Variants in DTWD2 observed in about 807,000 individuals in gnomAD.
DTWD2 encodes the protein tRNA-uridine aminocarboxypropyltransferase 2.
Under a neutral mutation model 31.8 loss-of-function variants are expected in DTWD2, and 39 were observed. That is an observed-to-expected ratio of 1.22 (90% CI 0.95 to 1.60). DTWD2 has a LOEUF of 1.60. DTWD2 is among the 40% of genes most tolerant of loss of function. The probability of loss-of-function intolerance (pLI) is 0.00; values close to 1 mark genes in which losing one functional copy is unlikely to be tolerated. For missense variants in DTWD2, 515 were observed against 381.5 expected (o/e 1.35, Z -2.92); for synonymous variants, 180 against 142.8 (o/e 1.26, Z -1.86).
chr5:118,921,049 C>A (rs961170610), intron 4 of DTWD2, among the ~76,000 whole-genome samples: 1 of 152,022 alleles, frequency 6.6e-6, no homozygotes, highest in Non-Finnish European at 1.5e-5. Flanking sequence ...CCTATTATAT[C>A]CTATTCTATC....
chr5:118,968,764 G>A (rs571997998), intron 1 of DTWD2, among the ~76,000 whole-genome samples: 5 of 152,344 alleles, frequency 3.3e-5, no homozygotes, highest in African/African-American at 9.6e-5. Flanking sequence ...TTCCAGCAAG[G>A]CGGGAAATCC....
chr5:118,890,541 A>G (rs910069730), intron 4 of DTWD2, among the ~76,000 whole-genome samples: 2 of 151,112 alleles, frequency 1.3e-5, no homozygotes, highest in African/African-American at 4.9e-5. Flanking sequence ...ATATGTAAAA[A>G]AGTGGGGCTT....
chr5:118,903,602 G>A (rs1753263961), intron 4 of DTWD2, among the ~76,000 whole-genome samples: 1 of 151,864 alleles, frequency 6.6e-6, no homozygotes. Flanking sequence ...GAGAATACTA[G>A]GATCTCTAAA....
chr5:118,973,083 T>TCC (rs1755027477), intron 1 of DTWD2, among the ~76,000 whole-genome samples: 1 of 151,312 alleles, frequency 6.6e-6, no homozygotes, highest in Non-Finnish European at 1.5e-5. Flanking sequence ...AACCCCCTTT[T>TCC]TTTTTTTTTT....
chr5:118,862,739 G>A (rs929625145), intron 4 of DTWD2, among the ~76,000 whole-genome samples: 2 of 152,088 alleles, frequency 1.3e-5, no homozygotes, highest in Non-Finnish European at 2.9e-5. Flanking sequence ...AATTAACAAA[G>A]TACTCAGAGA....
intron 4 of DTWD2, among the ~76,000 whole-genome samples, chr5:118,898,244 T>G (rs1160053905): frequency 6.6e-6 from 1 of 152,190 alleles, no homozygotes; most frequent in Non-Finnish European, 1.5e-5. Flanking sequence ...AATTTCATTC[T>G]GAAGAAACTA....
At position 118,952,553 on chromosome 5, in the gene DTWD2, G is replaced by A. The variant is rs1754490978; in HGVS notation, c.219-7904C>T. Among the ~76,000 whole-genome samples, 9 of 152,000 alleles carry A rather than the reference G, an allele frequency of 5.9e-5. 1 individual carries two copies. The South Asian group carries it at 1.9e-3, about 32-fold the overall frequency. On this transcript the variant is annotated intron_variant, in intron 1 of 5. Transcript: ENST00000510708. The stretch of plus-strand genomic sequence containing the variant: ...TCACAAGGTAATGTCATCAGTTAGG[G>A]CAGGAATTGGCCATTTTCACTTCTT...
intron 4 of DTWD2, among the ~76,000 whole-genome samples, chr5:118,888,093 C>G (rs1434392213): frequency 6.6e-6 from 1 of 152,012 alleles, no homozygotes; most frequent in Non-Finnish European, 1.5e-5. Flanking sequence ...TAGTACTTTA[C>G]TAAAGTAAAA....
In DTWD2 at chr5:118,936,761, C is replaced by G. The variant is rs1754055258; in HGVS notation, c.404+2435G>C. Among the ~76,000 whole-genome samples, 4 of 151,252 alleles carry G rather than the reference C, an allele frequency of 2.6e-5. 1 individual carries two copies. The South Asian group carries it at 8.4e-4, about 32-fold the overall frequency. ...AAATCCAAAGCAAGAAAAAAATTGA[C>G]AATAAAGAGTAGAAATCAATTAGAA... On this transcript the variant is annotated intron_variant, in intron 3 of 5. Coordinates refer to ENST00000510708, the MANE Select transcript of DTWD2 (RefSeq NM_173666.4).
rs553715013 is a variant in DTWD2, at chr5:118,839,862, T to C, written c.*1055A>G. ...GAGAAATAATCATTGGTGTATGCTCTATAAATAGTTACCAAGTTTACCTTT... is the reference window on the plus strand; with the variant it reads ...GAGAAATAATCATTGGTGTATGCTCCATAAATAGTTACCAAGTTTACCTTT... On this transcript the variant is annotated 3_prime_UTR_variant, in exon 6 of 6. Transcript: ENST00000510708. 1.3e-5 allele frequency: 2 copies of C among 152,336 alleles called. No individual in the cohort carries two copies. The highest frequency in any genetic ancestry group is 2.9e-5 in the Non-Finnish European group (2 of 68,032). 9.4% of individuals were successfully genotyped at this position (152,336 alleles called of 1,614,324 possible). A position where few individuals can be genotyped will look rare whatever the true frequency, so the allele number is the denominator to read the frequency against.
intron 4 of DTWD2, among the ~76,000 whole-genome samples, chr5:118,875,920 TA>T (rs1752612056): frequency 1.3e-5 from 2 of 152,298 alleles, no homozygotes; most frequent in South Asian, 2.1e-4. Context: ...CTTCGCCACA[TA>T]ACACATACTC....
At chr5:118,984,012 C>T (rs1226176424) in intron 1 of DTWD2, among the ~76,000 whole-genome samples, 1 of 152,136 alleles carries the variant, frequency 6.6e-6, no homozygotes, top group African/African-American at 2.4e-5. Flanking sequence ...CTAGGCTGGG[C>T]GCAGTGGCTC....
rs757408151 is a variant in DTWD2, at chr5:118,939,286, T to C, written c.314A>G (p.Asn105Ser). ...LYIIQHPAEENKVLRTVPLLA... is the reference protein window; with the variant it reads ...LYIIQHPAEESKVLRTVPLLA... ...TAGAGGAACTGTACGCAACACTTTGTTTTCCTTTAATTAAAAAATGAATTG... is the reference window on the plus strand; with the variant it reads ...TAGAGGAACTGTACGCAACACTTTGCTTTCCTTTAATTAAAAAATGAATTG... Residue 105 changes from asparagine (N) to serine (S), a missense_variant, in exon 3 of 6, where the codon AAC (asparagine) becomes AGC (serine). By Grantham distance (46) the Asn-to-Ser change is conservative. Transcript: ENST00000510708. The C allele has an allele frequency of 6.4e-7, 1 of 1,568,866 alleles. No individual in the cohort carries two copies. The highest frequency in any genetic ancestry group is 1.2e-5 in the South Asian group (1 of 82,968).
At chr5:118,971,558 T>C (rs1290101544) in intron 1 of DTWD2, among the ~76,000 whole-genome samples, 1 of 152,014 alleles carries the variant, frequency 6.6e-6, no homozygotes, top group Admixed American at 6.6e-5. Flanking sequence ...CCACTGACAA[T>C]ATTAGACAGA....
intron 4 of DTWD2, among the ~76,000 whole-genome samples, chr5:118,885,902 C>G (rs368889658): frequency 3.3e-5 from 5 of 152,072 alleles, no homozygotes; most frequent in African/African-American, 1.2e-4. Flanking sequence ...CAGGTTGAGG[C>G]TGCAATAAGC....
chr5:118,881,431 T>C (rs1752737763), intron 4 of DTWD2, among the ~76,000 whole-genome samples: 1 of 152,216 alleles, frequency 6.6e-6, no homozygotes, highest in Non-Finnish European at 1.5e-5. Flanking sequence ...AATTTGAAAG[T>C]ATTATTTCTT....
chr5:118,891,922 A>T (rs1034802489), intron 4 of DTWD2, among the ~76,000 whole-genome samples: 49 of 152,210 alleles, frequency 3.2e-4, no homozygotes, highest in Non-Finnish European at 1.2e-4. Flanking sequence ...AAATAAAATA[A>T]TCTAGCTCAA....
intron 4 of DTWD2, among the ~76,000 whole-genome samples, chr5:118,878,360 C>T (rs545394408): frequency 6.6e-6 from 1 of 152,264 alleles, no homozygotes; most frequent in Admixed American, 6.5e-5. Flanking sequence ...TAAGCCCACA[C>T]ACTTACAACT....
intron 1 of DTWD2, among the ~76,000 whole-genome samples, chr5:118,978,636 A>G (rs1477276747): frequency 2.0e-5 from 3 of 152,238 alleles, no homozygotes; most frequent in African/African-American, 7.2e-5. Flanking sequence ...AAAGCTCAAC[A>G]TCACTGATTA....
Sources: allele counts gnomAD v4.1 joint callset (sites outside exome capture counted in the v4.1 genomes callset), GRCh38; gene constraint gnomAD v4.1.1; transcripts MANE v1.5; gene names NCBI Gene and HGNC (gene_info 2026-07-23, HGNC 2026-07-21).